Variants in PCDHA13 observed in about 807,000 individuals in gnomAD.
The protein encoded by PCDHA13 is protocadherin alpha-13.
PCDHA13 carries 54 observed loss-of-function variants against 64.8 expected under a neutral mutation model. The observed-to-expected ratio is 0.83, with a 90% CI of 0.67 to 1.04. The LOEUF (loss-of-function observed/expected upper bound fraction) is 1.04. Among genes scored for constraint, PCDHA13 ranks in the 50% least tolerant of loss-of-function variants. PCDHA13 has a pLI of 0.00. For missense variants in PCDHA13, 1,248 were observed against 1,254.3 expected, an observed-to-expected ratio of 0.99 and a Z score of 0.08; for synonymous variants, 587 against 564.4, an observed-to-expected ratio of 1.04 and a Z score of -0.57.
intron 3 of PCDHA13, among the ~76,000 whole-genome samples, chr5:140,991,894 C>T (rs1426754578): frequency 6.6e-6 from 1 of 152,164 alleles, no homozygotes; most frequent in Non-Finnish European, 1.5e-5. Context: ...AACAAATTAA[C>T]ACAAAATCCC....
intron 1 of PCDHA13, among the ~76,000 whole-genome samples, chr5:140,946,755 A>G (rs1554217843): frequency 3.3e-5 from 5 of 151,400 alleles, no homozygotes. Context: ...ATACTGCATG[A>G]TCTCATTCAT....
At chr5:140,917,498 G>A (rs1303014069) in intron 1 of PCDHA13, among the ~76,000 whole-genome samples, 2 of 152,204 alleles carry the variant, frequency 1.3e-5, no homozygotes, top group African/African-American at 4.8e-5. Context: ...TGCCCAGAAT[G>A]ATATTTTCTA....
intron 1 of PCDHA13, among the ~76,000 whole-genome samples, chr5:140,961,502 T>C (rs6891232): frequency 0.023 from 3,568 of 152,334 alleles, 49 homozygotes; most frequent in Middle Eastern, 0.034. Context: ...TTGGGAGACT[T>C]TGTTTAATGT....
intron 3 of PCDHA13, among the ~76,000 whole-genome samples, chr5:141,003,794 G>A (rs1158199764): frequency 6.6e-6 from 1 of 152,102 alleles, no homozygotes; most frequent in Non-Finnish European, 1.5e-5. Context: ...AAATCCTATT[G>A]GGTTGTAATC....
chr5:140,929,074 G>T, intron 1 of PCDHA13: 2 of 1,614,182 alleles, frequency 1.2e-6, no homozygotes, highest in South Asian at 2.2e-5. Flanking sequence ...TCTGAGGTAT[G>T]GAAGTAAGAT....
At chr5:141,004,532 C>G (rs569751588) in intron 3 of PCDHA13, among the ~76,000 whole-genome samples, 1 of 152,314 alleles carries the variant, frequency 6.6e-6, no homozygotes, top group African/African-American at 2.4e-5. Context: ...TACACACAGC[C>G]ATTAATGTCC....
At chr5:140,926,320 C>T (rs555057115) in intron 1 of PCDHA13, 1 of 152,240 alleles carries the variant, frequency 6.6e-6, no homozygotes, top group Non-Finnish European at 1.5e-5. Context: ...AGAGGTGCGC[C>T]GGGGTCAGAG....
chr5:140,969,880 A>G (rs1365035569), intron 1 of PCDHA13, among the ~76,000 whole-genome samples: 2 of 152,238 alleles, frequency 1.3e-5, no homozygotes, highest in Non-Finnish European at 2.9e-5. Flanking sequence ...CCTATGTGAT[A>G]GGATCCTCTG....
intron 3 of PCDHA13, among the ~76,000 whole-genome samples, chr5:141,002,755 T>C (rs894161079): frequency 3.3e-5 from 5 of 152,174 alleles, no homozygotes; most frequent in Non-Finnish European, 7.3e-5. Flanking sequence ...GACAACCCTG[T>C]GATGTAGACA....
At chr5:140,979,129 A>T (rs1316213932) in intron 2 of PCDHA13, 122 bp downstream of exon 2, 1 of 1,477,514 alleles carries the variant, frequency 6.8e-7, no homozygotes, top group Non-Finnish European at 9.0e-7. Flanking sequence ...CTTTGCCAGG[A>T]AAATGCAATT....
chr5:140,969,506 G>T, intron 1 of PCDHA13: 1 of 1,427,058 alleles, frequency 7.0e-7, no homozygotes, highest in Non-Finnish European at 9.3e-7. Flanking sequence ...TAGAAAAATA[G>T]CACTAAAGAA....
chr5:140,891,378 T>C (rs141028628), intron 1 of PCDHA13, among the ~76,000 whole-genome samples: 2 of 152,104 alleles, frequency 1.3e-5, no homozygotes, highest in African/African-American at 4.8e-5. Context: ...CATTGCACCA[T>C]ATTTGCAATC....
chr5:140,995,893 A>G (rs1038677586), intron 3 of PCDHA13, among the ~76,000 whole-genome samples: 3 of 152,182 alleles, frequency 2.0e-5, no homozygotes, highest in Non-Finnish European at 4.4e-5. Flanking sequence ...AGATTTATCA[A>G]TGTATAAAAG....
chr5:140,969,823 T>C (rs782195981), intron 1 of PCDHA13, among the ~76,000 whole-genome samples: 3 of 152,248 alleles, frequency 2.0e-5, no homozygotes, highest in Non-Finnish European at 4.4e-5. Context: ...CTCTGGACTG[T>C]CTACAGTGGA....
intron 3 of PCDHA13, among the ~76,000 whole-genome samples, chr5:140,995,339 G>A (rs782776966): frequency 1.3e-4 from 20 of 152,026 alleles, no homozygotes; most frequent in Non-Finnish European, 7.4e-5. Context: ...TAGTGTAGAC[G>A]GCATGGATAG....
chr5:140,948,318 A>G (rs1423632599), intron 1 of PCDHA13, among the ~76,000 whole-genome samples: 1 of 151,520 alleles, frequency 6.6e-6, no homozygotes, highest in Non-Finnish European at 1.5e-5. Flanking sequence ...TTGAGGGGTA[A>G]TGTTTTCATT....
intron 1 of PCDHA13, among the ~76,000 whole-genome samples, chr5:140,893,926 C>G (rs1481035774): frequency 6.6e-6 from 1 of 152,180 alleles, no homozygotes; most frequent in Non-Finnish European, 1.5e-5. Context: ...TTTTCAGAAT[C>G]TCTACCTGTT....
chr5:140,888,886 T>TA (rs2062023222), intron 1 of PCDHA13, among the ~76,000 whole-genome samples: 1 of 152,036 alleles, frequency 6.6e-6, no homozygotes, highest in South Asian at 2.1e-4. Flanking sequence ...ATTAAAACAT[T>TA]AGAATTGAGG....
chr5:140,969,305 A>C (rs1481597194), intron 1 of PCDHA13: 1 of 1,614,206 alleles, frequency 6.2e-7, no homozygotes, highest in East Asian at 2.2e-5. Flanking sequence ...GATTATTCTC[A>C]AAAATGAGGC....
Sources: allele counts gnomAD v4.1 joint callset (sites outside exome capture counted in the v4.1 genomes callset), GRCh38; gene constraint gnomAD v4.1.1; transcripts MANE v1.5; gene names NCBI Gene and HGNC (gene_info 2026-07-23, HGNC 2026-07-21).